SPATA13: variants seen among roughly 807,000 people sequenced by gnomAD.
The protein encoded by SPATA13 is spermatogenesis-associated protein 13.
In SPATA13, 50 loss-of-function variants were observed where a neutral mutation model predicts 104.0. The ratio of observed to expected loss-of-function variants is 0.48; its 90% CI spans 0.38 to 0.61. The LOEUF (loss-of-function observed/expected upper bound fraction) is 0.61, where lower values mean the gene tolerates loss of function less well. Among genes scored for constraint, SPATA13 ranks in the 20% least tolerant of loss-of-function variants. The pLI, the probability that SPATA13 is intolerant of heterozygous loss-of-function variation, is 0.00. For synonymous variants in SPATA13, 606 were observed against 667.5 expected (o/e 0.91, Z 1.42); for missense variants, 1,524 against 1,690.6 (o/e 0.90, Z 1.73).
intron 4 of SPATA13, chr13:24,270,950 G>T (rs1394307853): frequency 6.7e-7 from 1 of 1,485,692 alleles, no homozygotes; most frequent in South Asian, 1.1e-5. Flanking sequence ...ACTGTGACAT[G>T]TTGCCGATTC....
At chr13:24,154,585 T>C (rs1882204640) in intron 3 of SPATA13, among the ~76,000 whole-genome samples, 1 of 152,218 alleles carries the variant, frequency 6.6e-6, no homozygotes, top group Non-Finnish European at 1.5e-5. Context: ...AGTATTTTCA[T>C]GTTGTATTAG....
chr13:24,001,361 T>C (rs963397219), intron 2 of SPATA13, among the ~76,000 whole-genome samples: 1 of 150,258 alleles, frequency 6.7e-6, no homozygotes, highest in Admixed American at 6.6e-5. Flanking sequence ...GGAGTGGAGG[T>C]TGGGGGAGTG....
chr13:24,139,260 C>T (rs1266060271), intron 3 of SPATA13, among the ~76,000 whole-genome samples: 1 of 152,172 alleles, frequency 6.6e-6, no homozygotes, highest in African/African-American at 2.4e-5. Context: ...GTTTCGGGTC[C>T]ACCCTACTCC....
intron 2 of SPATA13, among the ~76,000 whole-genome samples, chr13:24,233,884 TAAACACAC>T (rs1377465745): frequency 3.6e-5 from 3 of 82,446 alleles, no homozygotes; most frequent in East Asian, 6.8e-4. Context: ...TTTATACACT[TAAACACAC>T]ACACACACAC....
intron 8 of SPATA13, among the ~76,000 whole-genome samples, chr13:24,289,607 C>G (rs1219550743): frequency 6.6e-6 from 1 of 152,112 alleles, no homozygotes; most frequent in African/African-American, 2.4e-5. Flanking sequence ...GATGAGGAAA[C>G]TAAGGCCCAG....
chr13:24,121,379 A>G (rs527928551), intron 3 of SPATA13, among the ~76,000 whole-genome samples: 7 of 152,238 alleles, frequency 4.6e-5, no homozygotes, highest in Admixed American at 3.3e-4. Flanking sequence ...CTCACACCCC[A>G]TTACATCTTT....
chr13:24,058,113 T>C (rs1227404502), intron 3 of SPATA13, among the ~76,000 whole-genome samples: 1 of 151,888 alleles, frequency 6.6e-6, no homozygotes, highest in East Asian at 1.9e-4. Flanking sequence ...GTTATGTCTT[T>C]GTATTTATTT....
chr13:24,160,894 C>G lies in SPATA13; in HGVS notation c.-150C>G. 1.0e-6 allele frequency: 1 copy of G among 985,076 alleles called. No homozygotes were observed. The highest frequency in any genetic ancestry group is 1.7e-5 in the African/African-American group (1 of 57,340). The allele number at this position is 985,076 out of a possible 1,614,324, so 61.0% of individuals were successfully genotyped here. A position where few individuals can be genotyped will look rare whatever the true frequency, so the allele number is the denominator to read the frequency against. On this transcript the variant is annotated 5_prime_UTR_variant, in exon 1 of 13. Transcript: ENST00000382108. ...TCTGAGGGCAGGGACGTGTTGGACACGCTGACTTTGTAGGCTCCGCCAAGA... is the reference window on the plus strand; with the variant it reads ...TCTGAGGGCAGGGACGTGTTGGACAGGCTGACTTTGTAGGCTCCGCCAAGA...
In SPATA13 at chr13:24,289,285, T is replaced by C. The variant is rs1392625504; in HGVS notation, c.2847+107T>C. 5 of 895,740 alleles carry C rather than the reference T, an allele frequency of 5.6e-6. No individual in the cohort carries two copies. The East Asian group carries it at 1.3e-4, about 24-fold the overall frequency. 55.5% of individuals were successfully genotyped at this position (895,740 alleles called of 1,614,324 possible). A position where few individuals can be genotyped will look rare whatever the true frequency, so the allele number is the denominator to read the frequency against. On this transcript the variant is annotated intron_variant, in intron 8 of 12. Transcript: ENST00000382108. ...TTTGTTTTATTGTTTGTTTGCTAGA[T>C]GAATCTTCCATAGAAAGGAGATGTT...
intron 3 of SPATA13, among the ~76,000 whole-genome samples, chr13:24,085,737 C>G (rs1186601860): frequency 1.3e-5 from 2 of 152,180 alleles, no homozygotes; most frequent in Admixed American, 1.3e-4. Flanking sequence ...CTGGCATGGC[C>G]CACTCAGCCA....
rs190115233 is a variant in SPATA13, at chr13:24,246,409, G to A, written c.1654-3068G>A. Among the ~76,000 whole-genome samples the A allele has an allele frequency of 3.4e-3, 515 of 152,164 alleles. 5 individuals carry two copies. Among genetic ancestry groups the A allele is most frequent in the African/African-American group, 0.011 (476 of 41,512 alleles). On this transcript the variant is annotated intron_variant, in intron 2 of 12. Coordinates refer to ENST00000382108, the MANE Select transcript of SPATA13 (RefSeq NM_001166271.3). The stretch of plus-strand genomic sequence containing the variant: ...TAGTGGTGTTGGGGAGGAAAAAAAC[G>A]TTTCCTCTACACTCTTTGACTCTGT...
chr13:24,257,050 T>A (rs181981916), intron 4 of SPATA13, among the ~76,000 whole-genome samples: 1 of 152,366 alleles, frequency 6.6e-6, no homozygotes, highest in East Asian at 1.9e-4. Flanking sequence ...GCTCCTAATT[T>A]TTTTGTACTT....
intron 3 of SPATA13, among the ~76,000 whole-genome samples, chr13:24,111,375 A>AGG (rs1210176007): frequency 6.6e-6 from 1 of 152,096 alleles, no homozygotes; most frequent in African/African-American, 2.4e-5. Flanking sequence ...CTATCCTTCC[A>AGG]GGGGGACTTT....
intron 3 of SPATA13, among the ~76,000 whole-genome samples, chr13:24,056,249 C>T (rs1361121679): frequency 6.6e-6 from 1 of 152,198 alleles, no homozygotes; most frequent in Admixed American, 6.5e-5. Context: ...GTGTCCAGAA[C>T]AGCCTCAGTG....
chr13:24,231,493 A>T (rs1872271892), intron 2 of SPATA13, among the ~76,000 whole-genome samples: 2 of 152,134 alleles, frequency 1.3e-5, no homozygotes, highest in South Asian at 4.1e-4. Flanking sequence ...GCACTTTGTT[A>T]TCTGTTCATC....
At chr13:24,118,550 T>C (rs1407608212) in intron 3 of SPATA13, among the ~76,000 whole-genome samples, 2 of 152,180 alleles carry the variant, frequency 1.3e-5, no homozygotes, top group Non-Finnish European at 2.9e-5. Flanking sequence ...AGGTGGTTTA[T>C]TAAAACACAG....
At chr13:24,020,825 C>T (rs1876941320) in intron 3 of SPATA13, among the ~76,000 whole-genome samples, 1 of 152,130 alleles carries the variant, frequency 6.6e-6, no homozygotes, top group African/African-American at 2.4e-5. Context: ...GGGTGGATCA[C>T]AAGGTCACGA....
chr13:24,121,179 C>T (rs553754804), intron 3 of SPATA13, among the ~76,000 whole-genome samples: 1 of 152,062 alleles, frequency 6.6e-6, no homozygotes, highest in East Asian at 1.9e-4. Flanking sequence ...ATTCAAATAC[C>T]CACTTGTACA....
chr13:24,295,991 T>A (rs1380972827), intron 10 of SPATA13, among the ~76,000 whole-genome samples: 1 of 152,136 alleles, frequency 6.6e-6, no homozygotes, highest in African/African-American at 2.4e-5. Flanking sequence ...CGCCATTAAA[T>A]TAAGAACAAC....
Sources: allele counts gnomAD v4.1 joint callset (sites outside exome capture counted in the v4.1 genomes callset), GRCh38; gene constraint gnomAD v4.1.1; transcripts MANE v1.5; gene names NCBI Gene and HGNC (gene_info 2026-07-23, HGNC 2026-07-21).